PTPRD: variants seen among roughly 807,000 people sequenced by gnomAD.
The protein encoded by PTPRD is receptor-type tyrosine-protein phosphatase delta.
PTPRD carries 34 observed loss-of-function variants against 214.5 expected under a neutral mutation model. The ratio of observed to expected loss-of-function variants is 0.16; its 90% CI spans 0.12 to 0.21. The LOEUF (loss-of-function observed/expected upper bound fraction) is 0.21. PTPRD is among the 10% of genes least tolerant of loss of function. PTPRD has a pLI of 1.00. For synonymous variants in PTPRD, 1,128 were observed against 845.7 expected (o/e 1.33, Z -5.79); for missense variants, 2,545 against 2,398.7 (o/e 1.06, Z -1.27).
In PTPRD at chr9:9,067,701, C is replaced by G. The variant is rs569568036; in HGVS notation, c.-142-48966G>C. 2.6e-5 allele frequency among the ~76,000 whole-genome samples: 4 copies of G among 152,232 alleles called. No individual in the cohort carries two copies. The East Asian group carries it at 7.7e-4, about 29-fold the overall frequency. ...TGTAAGAAATAACACAGAGAGACAT[C>G]AAATAGGCTTTATCCAGTTTCTCTC... On this transcript the variant is annotated intron_variant, in intron 10 of 45. Coordinates refer to ENST00000381196, the MANE Select transcript of PTPRD (RefSeq NM_002839.4).
At chr9:10,086,221 C>T (rs1176935668) in intron 3 of PTPRD, among the ~76,000 whole-genome samples, 5 of 151,710 alleles carry the variant, frequency 3.3e-5, no homozygotes, top group Non-Finnish European at 7.4e-5. Context: ...TGTGTAACAG[C>T]GCTGTAGACT....
intron 2 of PTPRD, among the ~76,000 whole-genome samples, chr9:10,367,472 G>A (rs138580550): frequency 8.7e-4 from 132 of 152,204 alleles, no homozygotes; most frequent in African/African-American, 3.0e-3. Flanking sequence ...GCAGCTTTGT[G>A]GGGATACAAG....
chr9:10,399,123 G>A (rs187019045), intron 2 of PTPRD, among the ~76,000 whole-genome samples: 13 of 152,026 alleles, frequency 8.6e-5, no homozygotes, highest in African/African-American at 2.6e-4. Flanking sequence ...TAGAATGATT[G>A]TTAAGAAATA....
At chr9:9,521,264 T>C (rs981571488) in intron 8 of PTPRD, among the ~76,000 whole-genome samples, 2 of 152,160 alleles carry the variant, frequency 1.3e-5, no homozygotes, top group East Asian at 3.9e-4. Flanking sequence ...TACTTTTTCC[T>C]CTTAGCTCTC....
intron 7 of PTPRD, among the ~76,000 whole-genome samples, chr9:9,625,667 C>T (rs1365603355): frequency 2.6e-5 from 4 of 151,406 alleles, no homozygotes; most frequent in Admixed American, 1.3e-4. Context: ...TGTATAACTA[C>T]GGGAAATCTC....
chr9:9,146,903 A>C (rs534043729), intron 10 of PTPRD, among the ~76,000 whole-genome samples: 7 of 152,220 alleles, frequency 4.6e-5, no homozygotes, highest in Non-Finnish European at 8.8e-5. Context: ...ACAATAACTA[A>C]ACACACGTGG....
intron 7 of PTPRD, among the ~76,000 whole-genome samples, chr9:9,711,987 T>C (rs2097743544): frequency 6.6e-6 from 1 of 152,212 alleles, no homozygotes; most frequent in Non-Finnish European, 1.5e-5. Context: ...TGCATGAATG[T>C]ACATAATTTT....
intron 9 of PTPRD, among the ~76,000 whole-genome samples, chr9:9,327,654 G>T (rs1174283361): frequency 6.6e-6 from 1 of 152,102 alleles, no homozygotes; most frequent in African/African-American, 2.4e-5. Flanking sequence ...AAATGAGAAT[G>T]TGGGAAATAA....
chr9:8,552,311 G>C (rs1364876637), intron 14 of PTPRD, among the ~76,000 whole-genome samples: 1 of 152,310 alleles, frequency 6.6e-6, no homozygotes, highest in South Asian at 2.1e-4. Flanking sequence ...GGCGGTGCCT[G>C]TCAAAAAGGG....
intron 10 of PTPRD, among the ~76,000 whole-genome samples, chr9:9,179,405 T>G (rs1422126982): frequency 1.3e-5 from 2 of 152,118 alleles, no homozygotes; most frequent in African/African-American, 2.4e-5. Context: ...CTTGATCCAA[T>G]TATGAAAAGT....
At chr9:10,579,450 T>A (rs1266639927) in intron 2 of PTPRD, among the ~76,000 whole-genome samples, 1 of 152,156 alleles carries the variant, frequency 6.6e-6, no homozygotes, top group Non-Finnish European at 1.5e-5. Context: ...ATGATTTTGT[T>A]CTTTTTTATG....
intron 8 of PTPRD, among the ~76,000 whole-genome samples, chr9:9,522,425 C>T (rs1337450643): frequency 6.6e-6 from 1 of 152,018 alleles, no homozygotes; most frequent in East Asian, 1.9e-4. Flanking sequence ...CCCATTTAAC[C>T]AGATAGAACG....
intron 37 of PTPRD, among the ~76,000 whole-genome samples, chr9:8,385,454 C>G (rs1017285787): frequency 2.6e-5 from 4 of 152,146 alleles, no homozygotes; most frequent in African/African-American, 9.7e-5. Flanking sequence ...TGTTAGATTA[C>G]AGTGAACTAT....
At chr9:8,797,812 A>G (rs2096475870) in intron 11 of PTPRD, among the ~76,000 whole-genome samples, 2 of 152,004 alleles carry the variant, frequency 1.3e-5, no homozygotes, top group South Asian at 4.2e-4. Context: ...TCATATTTGT[A>G]TTTATTCACT....
chr9:9,533,000 G>A (rs910349654), intron 8 of PTPRD, among the ~76,000 whole-genome samples: 2 of 152,126 alleles, frequency 1.3e-5, no homozygotes, highest in African/African-American at 4.8e-5. Context: ...TGAAGACAGT[G>A]CAGAAGAAGT....
intron 3 of PTPRD, among the ~76,000 whole-genome samples, chr9:10,180,129 A>T (rs1242104591): frequency 6.6e-6 from 1 of 152,218 alleles, no homozygotes; most frequent in East Asian, 1.9e-4. Context: ...GTTCCAAAAG[A>T]TATACAATAT....
chr9:9,689,798 T>C (rs1395308857), intron 7 of PTPRD, among the ~76,000 whole-genome samples: 1 of 151,926 alleles, frequency 6.6e-6, no homozygotes, highest in Non-Finnish European at 1.5e-5. Flanking sequence ...TCCGTAGACG[T>C]TGCTGCAAAT....
At chr9:9,203,373 C>T (rs2099943011) in intron 9 of PTPRD, among the ~76,000 whole-genome samples, 1 of 152,146 alleles carries the variant, frequency 6.6e-6, no homozygotes, top group Non-Finnish European at 1.5e-5. Context: ...CATTTTAAAA[C>T]CTTACCCATT....
chr9:9,212,854 T>G (rs541898704), intron 9 of PTPRD, among the ~76,000 whole-genome samples: 108 of 152,270 alleles, frequency 7.1e-4, no homozygotes, highest in Non-Finnish European at 1.2e-3. Flanking sequence ...AACAAGGGAT[T>G]AGGAGTTAGA....
Sources: allele counts gnomAD v4.1 joint callset (sites outside exome capture counted in the v4.1 genomes callset), GRCh38; gene constraint gnomAD v4.1.1; transcripts MANE v1.5; gene names NCBI Gene and HGNC (gene_info 2026-07-23, HGNC 2026-07-21).